Variants in EEA1 observed in about 807,000 individuals in gnomAD.
The protein encoded by EEA1 is early endosome antigen 1, also known as early endosome antigen 1, 162kD.
Under a neutral mutation model 209.2 loss-of-function variants are expected in EEA1, and 111 were observed. The ratio of observed to expected loss-of-function variants is 0.53; its 90% CI spans 0.45 to 0.62. The LOEUF is 0.62. Ranked by LOEUF, EEA1 falls within the 20% of genes least tolerant of loss-of-function variation. EEA1 has a pLI of 0.00. For missense variants in EEA1, 1,343 were observed against 1,530.8 expected (o/e 0.88, Z 2.05); for synonymous variants, 536 against 540.6 (o/e 0.99, Z 0.12).
intron 19 of EEA1, among the ~76,000 whole-genome samples, 200 bp downstream of exon 19, chr12:92,802,204 C>T (rs1443982944): frequency 6.6e-6 from 1 of 151,958 alleles, no homozygotes; most frequent in East Asian, 1.9e-4. Flanking sequence ...TAGAAAATGG[C>T]GTGCACACAG....
intron 3 of EEA1, among the ~76,000 whole-genome samples, chr12:92,864,472 GAAATTTTT>G (rs1878286220): frequency 6.6e-6 from 1 of 151,990 alleles, no homozygotes; most frequent in South Asian, 2.1e-4. Context: ...ATTATAAATG[GAAATTTTT>G]AAATTTTAAA....
chr12:92,824,484 C>A (rs1876201409), intron 13 of EEA1, among the ~76,000 whole-genome samples: 2 of 152,246 alleles, frequency 1.3e-5, no homozygotes, highest in Admixed American at 1.3e-4. Context: ...CTATGAGGAA[C>A]TGGAGGTTCT....
chr12:92,876,085 T>C (rs1878866325), intron 2 of EEA1, among the ~76,000 whole-genome samples: 1 of 152,204 alleles, frequency 6.6e-6, no homozygotes, highest in Admixed American at 6.5e-5. Flanking sequence ...TATTTATTTA[T>C]TTTTGAGACA....
At chr12:92,911,525 A>G (rs2264291) in intron 1 of EEA1, among the ~76,000 whole-genome samples, 145,234 of 152,326 alleles carry the variant, frequency 0.95, 69,270 homozygotes, top group East Asian at 1. Flanking sequence ...GGATTTGTAC[A>G]GAAGTGAAAG....
At chr12:92,838,234 A>G (rs540045041) in intron 10 of EEA1, among the ~76,000 whole-genome samples, 6 of 152,254 alleles carry the variant, frequency 3.9e-5, no homozygotes, top group African/African-American at 1.4e-4. Flanking sequence ...GAATATACAT[A>G]CACACAACAC....
intron 9 of EEA1, among the ~76,000 whole-genome samples, chr12:92,844,599 G>A (rs1877314873): frequency 6.6e-6 from 1 of 152,004 alleles, no homozygotes; most frequent in Admixed American, 6.5e-5. Flanking sequence ...TAGCTACTGT[G>A]AGTTTATTTC....
intron 22 of EEA1, among the ~76,000 whole-genome samples, chr12:92,783,715 TGGGTATG>T (rs1244893010): frequency 1.1e-4 from 17 of 152,112 alleles, no homozygotes; most frequent in Admixed American, 1.1e-3. Flanking sequence ...AGGTAGATAA[TGGGTATG>T]GTAGGAACCT....
At chr12:92,893,514 T>C (rs1489860621) in intron 1 of EEA1, among the ~76,000 whole-genome samples, 1 of 152,168 alleles carries the variant, frequency 6.6e-6, no homozygotes, top group East Asian at 1.9e-4. Flanking sequence ...ATCCTGTACA[T>C]CACTACTAAA....
At chr12:92,855,431 CAA>C (rs56959398) in intron 5 of EEA1, among the ~76,000 whole-genome samples, 233 of 96,116 alleles carry the variant, frequency 2.4e-3, no homozygotes, top group African/African-American at 7.7e-3. Context: ...GACTCTGTCT[CAA>C]AAAAAAAAAA....
chr12:92,899,184 C>T (rs1011838339), intron 1 of EEA1, among the ~76,000 whole-genome samples: 7 of 150,980 alleles, frequency 4.6e-5, no homozygotes, highest in East Asian at 1.9e-4. Flanking sequence ...ATTTGGTTGT[C>T]GATACCAGGA....
chr12:92,892,496 A>T (rs1015475531), intron 1 of EEA1, among the ~76,000 whole-genome samples: 6 of 152,194 alleles, frequency 3.9e-5, no homozygotes, highest in African/African-American at 1.4e-4. Context: ...AGCAAAAAAA[A>T]TCAGAAGATG....
Position 92,912,961 on chromosome 12 carries a change from G to A in EEA1, c.24+16082C>T, listed in dbSNP as rs150652266. Among the ~76,000 whole-genome samples the A allele has an allele frequency of 3.3e-4, 50 of 152,318 alleles. 1 individual carries two copies. Among genetic ancestry groups the A allele is most frequent in the African/African-American group, 1.1e-3 (46 of 41,566 alleles). The stretch of plus-strand genomic sequence containing the variant: ...TCATCTGTTGATGGACACTTAGGTT[G>A]ATTCCAAGACTTTGCTGTGGTGCAA... On this transcript the variant is annotated intron_variant, in intron 1 of 28. Transcript: ENST00000322349.
In EEA1 at chr12:92,772,703, AAAGT is replaced by A. The variant is rs1167863261; in HGVS notation, c.*3304_*3307del. 1.1e-4 allele frequency: 17 copies of A among 152,280 alleles called. No individual in the cohort carries two copies. The highest frequency in any genetic ancestry group is 3.9e-4 in the African/African-American group (16 of 41,440). The allele number at this position is 152,280 out of a possible 1,614,324, so 9.4% of individuals were successfully genotyped here. On this transcript the variant is annotated 3_prime_UTR_variant, in exon 29 of 29. Transcript: ENST00000322349. ...TATTTACTGAGCTAACCTTTCTCAC[AAAGT>A]AAGGCACAACTACATGATCACAAGT...
intron 2 of EEA1, among the ~76,000 whole-genome samples, chr12:92,878,302 A>G (rs922272082): frequency 6.6e-6 from 1 of 152,190 alleles, no homozygotes; most frequent in African/African-American, 2.4e-5. Context: ...AAAACAAAAA[A>G]GGTGGGGGAA....
intron 16 of EEA1, among the ~76,000 whole-genome samples, chr12:92,811,907 C>T (rs941664015): frequency 2.0e-5 from 3 of 151,708 alleles, no homozygotes; most frequent in Admixed American, 2.0e-4. Flanking sequence ...TACTATGTAC[C>T]AAAAGTAGGA....
At chr12:92,858,242 A>T in intron 3 of EEA1, 1 of 725,570 alleles carries the variant, frequency 1.4e-6, no homozygotes, top group South Asian at 1.4e-5. Context: ...ATGCCAAAGT[A>T]GCTTGTGAAA....
intron 17 of EEA1, among the ~76,000 whole-genome samples, chr12:92,809,935 T>C (rs1230568107): frequency 1.3e-5 from 2 of 152,210 alleles, no homozygotes; most frequent in Admixed American, 6.5e-5. Flanking sequence ...TTAACACCTA[T>C]TGATCCTAAA....
At position 92,819,326 on chromosome 12, in the gene EEA1, G is replaced by T. The variant is rs754664163; in HGVS notation, c.1710C>A (p.Asn570Lys). ...AGCTTACTTGCTCCTGTAGTGTATG[G>T]TTTTTTTCTTGTAACTGGTTAAGAA... ...TAVLNQLQEKNHTLQEQVTQL... is the reference protein window; with the variant it reads ...TAVLNQLQEKKHTLQEQVTQL... Residue 570 changes from asparagine (N) to lysine (K), a missense_variant, in exon 14 of 29, where the codon AAC becomes AAA. Coordinates refer to ENST00000322349, the MANE Select transcript of EEA1 (RefSeq NM_003566.4). 6.2e-7 allele frequency: 1 copy of T among 1,610,074 alleles called. No individual in the cohort carries two copies. The highest frequency in any genetic ancestry group is 8.5e-7 in the Non-Finnish European group (1 of 1,178,494).
chr12:92,804,745 T>C (rs957116287), intron 18 of EEA1, among the ~76,000 whole-genome samples: 3 of 151,846 alleles, frequency 2.0e-5, no homozygotes, highest in Non-Finnish European at 4.4e-5. Flanking sequence ...GAGGGAAACA[T>C]TGGGTGTATA....
Sources: allele counts gnomAD v4.1 joint callset (sites outside exome capture counted in the v4.1 genomes callset), GRCh38; gene constraint gnomAD v4.1.1; transcripts MANE v1.5; gene names NCBI Gene and HGNC (gene_info 2026-07-23, HGNC 2026-07-21).